The following LSAMP variants were observed in gnomAD, a reference collection of about 807,000 sequenced individuals.
LSAMP encodes limbic system associated membrane protein.
A neutral mutation model predicts 38.6 loss-of-function variants in LSAMP; 7 were observed. The observed-to-expected ratio is 0.18, with a 90% CI of 0.10 to 0.34. The LOEUF (loss-of-function observed/expected upper bound fraction) is 0.34, where lower values mean the gene tolerates loss of function less well. Ranked by LOEUF, LSAMP falls within the 10% of genes least tolerant of loss-of-function variation. The pLI is 1.00. For synonymous variants in LSAMP, 154 were observed against 166.8 expected (o/e 0.92, Z 0.59); for missense variants, 313 against 420.0 (o/e 0.75, Z 2.23).
intron 6 of LSAMP, among the ~76,000 whole-genome samples, chr3:115,830,992 G>A (rs1332669733): frequency 1.3e-5 from 2 of 152,200 alleles, no homozygotes; most frequent in African/African-American, 4.8e-5. Context: ...CTTGTTTGTG[G>A]TTTGGATTTT....
chr3:116,423,358 C>T (rs930435434), intron 1 of LSAMP, among the ~76,000 whole-genome samples: 1 of 152,194 alleles, frequency 6.6e-6, no homozygotes, highest in African/African-American at 2.4e-5. Context: ...CCAACATCCA[C>T]CTCTCTTTTT....
chr3:116,287,997 C>G (rs937191294), intron 1 of LSAMP, among the ~76,000 whole-genome samples: 3 of 152,158 alleles, frequency 2.0e-5, no homozygotes, highest in African/African-American at 7.2e-5. Flanking sequence ...ACAGAGAGTG[C>G]TGCCTCTATA....
intron 3 of LSAMP, among the ~76,000 whole-genome samples, chr3:115,875,339 T>C (rs1291375101): frequency 6.6e-6 from 1 of 152,134 alleles, no homozygotes; most frequent in Non-Finnish European, 1.5e-5. Context: ...AAATATTTAA[T>C]TGAGTGAAAT....
At chr3:116,274,219 T>C (rs2047017426) in intron 1 of LSAMP, among the ~76,000 whole-genome samples, 1 of 152,202 alleles carries the variant, frequency 6.6e-6, no homozygotes, top group African/African-American at 2.4e-5. Flanking sequence ...ATAGTTTCTA[T>C]TTTAACATGA....
chr3:116,311,653 C>T (rs1177657660), intron 1 of LSAMP, among the ~76,000 whole-genome samples: 1 of 152,160 alleles, frequency 6.6e-6, no homozygotes, highest in Non-Finnish European at 1.5e-5. Context: ...AGCCCTGCCA[C>T]TACGAGCTGG....
At chr3:115,900,512 C>CAAAAA (rs5851983) in intron 3 of LSAMP, among the ~76,000 whole-genome samples, 2 of 74,366 alleles carry the variant, frequency 2.7e-5, no homozygotes, top group African/African-American at 4.9e-5. Context: ...TGAGACTGTC[C>CAAAAA]AAAAAAAAAA....
chr3:116,032,655 T>C (rs149709741), intron 2 of LSAMP, among the ~76,000 whole-genome samples: 182 of 152,100 alleles, frequency 1.2e-3, no homozygotes, highest in African/African-American at 4.1e-3. Context: ...GAAAAAAAAT[T>C]AGCTGGACAT....
At chr3:116,018,276 T>G (rs1940542473) in intron 3 of LSAMP, among the ~76,000 whole-genome samples, 1 of 152,100 alleles carries the variant, frequency 6.6e-6, no homozygotes, top group Non-Finnish European at 1.5e-5. Context: ...GGTCCAAATT[T>G]TACTTGAGAA....
chr3:116,216,263 C>T (rs1284443646), intron 1 of LSAMP, among the ~76,000 whole-genome samples: 1 of 152,144 alleles, frequency 6.6e-6, no homozygotes, highest in African/African-American at 2.4e-5. Context: ...CCTCATCTCC[C>T]ATGACTTCCA....
intron 1 of LSAMP, among the ~76,000 whole-genome samples, chr3:116,210,402 G>A (rs141792946): frequency 1.3e-3 from 193 of 152,322 alleles, no homozygotes; most frequent in African/African-American, 4.5e-3. Flanking sequence ...CAGGCTTGCT[G>A]CGTCTTCCGG....
intron 2 of LSAMP, among the ~76,000 whole-genome samples, chr3:116,082,146 T>C (rs1396288741): frequency 6.6e-6 from 1 of 152,202 alleles, no homozygotes; most frequent in Non-Finnish European, 1.5e-5. Flanking sequence ...TTAAAACAAA[T>C]ACCCTAGTTT....
intron 1 of LSAMP, among the ~76,000 whole-genome samples, chr3:116,109,097 G>A (rs1400802324): frequency 2.0e-5 from 3 of 152,158 alleles, no homozygotes; most frequent in Admixed American, 6.5e-5. Flanking sequence ...GCTGCCAAAC[G>A]AGTCATGAAC....
intron 1 of LSAMP, among the ~76,000 whole-genome samples, chr3:116,288,921 A>G (rs192903372): frequency 1.7e-4 from 26 of 152,334 alleles, no homozygotes; most frequent in African/African-American, 6.3e-4. Flanking sequence ...TTTTTTATAA[A>G]TGTTTAAACC....
At chr3:116,132,968 T>C (rs1487101963) in intron 1 of LSAMP, among the ~76,000 whole-genome samples, 1 of 152,204 alleles carries the variant, frequency 6.6e-6, no homozygotes, top group Non-Finnish European at 1.5e-5. Context: ...GGGAAGGGTT[T>C]GACAAAATAG....
intron 4 of LSAMP, among the ~76,000 whole-genome samples, chr3:115,842,839 AG>A (rs1414654604): frequency 6.6e-6 from 1 of 152,256 alleles, no homozygotes; most frequent in Non-Finnish European, 1.5e-5. Context: ...AATGGAATCT[AG>A]AATTTCTTTA....
At chr3:115,904,449 T>A (rs1936959257) in intron 3 of LSAMP, among the ~76,000 whole-genome samples, 1 of 152,176 alleles carries the variant, frequency 6.6e-6, no homozygotes, top group South Asian at 2.1e-4. Flanking sequence ...AGAAGAGTTC[T>A]ACTCAACATT....
At chr3:115,907,906 A>G (rs1237680831) in intron 3 of LSAMP, among the ~76,000 whole-genome samples, 2 of 152,086 alleles carry the variant, frequency 1.3e-5, no homozygotes, top group African/African-American at 4.8e-5. Context: ...TCAACATGCC[A>G]CTTACTGGGC....
At chr3:116,081,846 A>G (rs543422931) in intron 2 of LSAMP, among the ~76,000 whole-genome samples, 8 of 152,146 alleles carry the variant, frequency 5.3e-5, no homozygotes, top group Non-Finnish European at 8.8e-5. Flanking sequence ...CAAAATGTTA[A>G]AAAAAATTAT....
intron 2 of LSAMP, among the ~76,000 whole-genome samples, chr3:116,057,828 T>C (rs2107742505): frequency 6.6e-6 from 1 of 152,208 alleles, no homozygotes; most frequent in South Asian, 2.1e-4. Flanking sequence ...ACTTAACTTA[T>C]TTTTATACAT....
Sources: gnomAD v4.1 joint callset for allele counts (sites outside exome capture counted in the v4.1 genomes callset) on GRCh38, gnomAD v4.1.1 for gene constraint, MANE v1.5 for transcripts, NCBI Gene and HGNC (gene_info 2026-07-23, HGNC 2026-07-21) for gene names.